The following CEMIP2 variants were observed in gnomAD, a reference collection of about 807,000 sequenced individuals.
CEMIP2 encodes cell surface hyaluronidase CEMIP2.
CEMIP2 carries 79 observed loss-of-function variants against 146.9 expected under a neutral mutation model. The ratio of observed to expected loss-of-function variants is 0.54; its 90% CI spans 0.45 to 0.65. The LOEUF (loss-of-function observed/expected upper bound fraction) is 0.65. Among genes scored for constraint, CEMIP2 ranks in the 30% least tolerant of loss-of-function variants. The pLI is 0.00. For synonymous variants in CEMIP2, 601 were observed against 606.3 expected (o/e 0.99, Z 0.13); for missense variants, 1,596 against 1,696.2 (o/e 0.94, Z 1.04).
chr9:71,755,346 TACACACAC>T (rs34581447), intron 1 of CEMIP2, among the ~76,000 whole-genome samples: 11,356 of 134,864 alleles, frequency 0.084, 783 homozygotes, highest in African/African-American at 0.19. Context: ...ACCCTGTCTC[TACACACAC>T]ACACACACAC....
At chr9:71,687,125 C>T (rs1007118514) in intron 22 of CEMIP2, 6 of 152,214 alleles carry the variant, frequency 3.9e-5, no homozygotes, top group African/African-American at 1.2e-4. Flanking sequence ...TTGATAAAAA[C>T]AAGCCCTTGT....
chr9:71,754,301 C>T (rs888907444), intron 1 of CEMIP2, among the ~76,000 whole-genome samples: 1 of 152,198 alleles, frequency 6.6e-6, no homozygotes, highest in African/African-American at 2.4e-5. Flanking sequence ...GCAATCTCAA[C>T]AATGGCTGTT....
chr9:71,768,358 T>G lies in CEMIP2; in HGVS notation c.-14A>C. ...GCGGGTGACCGAGTCGCTTCTTACC[T>G]TCCCCTACCCCGCTTAGCGTCCGTT... is the stretch of plus-strand genomic sequence containing the variant. On this transcript the variant is annotated splice_region_variant and 5_prime_UTR_variant, in exon 1 of 24. Coordinates refer to ENST00000377044, the MANE Select transcript of CEMIP2 (RefSeq NM_013390.3). 6.6e-6 allele frequency: 1 copy of G among 150,884 alleles called. No individual in the cohort carries two copies. Among genetic ancestry groups the G allele is most frequent in the South Asian group, 2.2e-4 (1 of 4,546 alleles). The allele number at this position is 150,884 out of a possible 1,614,324, so 9.3% of individuals were successfully genotyped here. A position where few individuals can be genotyped will look rare whatever the true frequency, so the allele number is the denominator to read the frequency against.
intron 18 of CEMIP2, among the ~76,000 whole-genome samples, chr9:71,701,256 A>G (rs1822553418): frequency 6.6e-6 from 1 of 151,926 alleles, no homozygotes; most frequent in Admixed American, 6.6e-5. Flanking sequence ...CAGGGGCACA[A>G]CACCATGCAC....
intron 12 of CEMIP2, among the ~76,000 whole-genome samples, chr9:71,721,786 C>T (rs1823239689): frequency 6.6e-6 from 1 of 152,298 alleles, no homozygotes; most frequent in Non-Finnish European, 1.5e-5. Flanking sequence ...CTTTAAGTCA[C>T]CATCTTTTCC....
chr9:71,705,873 C>A (rs1162708581), intron 17 of CEMIP2, among the ~76,000 whole-genome samples: 2 of 151,848 alleles, frequency 1.3e-5, no homozygotes, highest in African/African-American at 4.8e-5. Flanking sequence ...GCCTTAGTAA[C>A]CTTAACTCTC....
At chr9:71,723,136 G>GGAAAAAAAA (rs562543367) in intron 11 of CEMIP2, among the ~76,000 whole-genome samples, 21 of 104,188 alleles carry the variant, frequency 2.0e-4, no homozygotes, top group Non-Finnish European at 3.7e-4. Context: ...AACAGCCAAA[G>GGAAAAAAAA]AAAAAAAAAA....
chr9:71,696,774 A>G (rs1040102741), intron 20 of CEMIP2, among the ~76,000 whole-genome samples: 4 of 152,160 alleles, frequency 2.6e-5, no homozygotes, highest in Admixed American at 2.6e-4. Context: ...CATCTCAACA[A>G]CAACAACAAA....
rs372227350 is a variant in CEMIP2 at position 71,726,836 on chromosome 9, AG to A, written c.2050-1128del. ...GACAAGTTGACGGGATAAGACCTGG[AG>A]GGTCAGAAGAAAACTCCATACCATA... On this transcript the variant is annotated intron_variant, in intron 10 of 23. Transcript: ENST00000377044. 2.5e-3 allele frequency among the ~76,000 whole-genome samples: 374 copies of A among 152,304 alleles called. 1 individual carries two copies. The highest frequency in any genetic ancestry group is 7.9e-3 in the African/African-American group (330 of 41,572).
Position 71,685,269 on chromosome 9 carries a change from A to T in CEMIP2, c.4080T>A (p.Tyr1360Ter). ...GGACAGTGGTGGCTCTGGGACAACC[A>T]TATTCGTCCAGCTGCAAAGGTATGA... ...EQFIPLQLDEYGCPRATTVRR... is the reference protein window; with the variant it reads ...EQFIPLQLDE Residue 1360 changes from tyrosine (Y) to a stop codon, truncating the protein, a stop_gained, in exon 24 of 24, where the codon TAT (tyrosine) becomes TAA (stop). Transcript: ENST00000377044. LOFTEE classifies it high-confidence loss of function. 1 of 1,613,936 alleles carries T rather than the reference A, an allele frequency of 6.2e-7. No individual in the cohort carries two copies. The highest frequency in any genetic ancestry group is 8.5e-7 in the Non-Finnish European group (1 of 1,179,970).
chr9:71,690,263 A>T lies in CEMIP2; in HGVS notation c.3697-17T>A. ...GCCATTGACCTGAGAATGCAAAAAC[A>T]TCTTCTGCTGTCATCATCATTTTGA... On this transcript the variant is annotated splice_polypyrimidine_tract_variant and intron_variant, in intron 21 of 23. Coordinates refer to ENST00000377044, the MANE Select transcript of CEMIP2 (RefSeq NM_013390.3). The T allele has an allele frequency of 6.2e-7, 1 of 1,612,340 alleles. No homozygotes were observed. The highest frequency in any genetic ancestry group is 8.5e-7 in the Non-Finnish European group (1 of 1,178,808).
At position 71,690,261 on chromosome 9, in the gene CEMIP2, A is replaced by G; in HGVS notation, c.3697-15T>C. On this transcript the variant is annotated splice_polypyrimidine_tract_variant and intron_variant, in intron 21 of 23. Coordinates refer to ENST00000377044, the MANE Select transcript of CEMIP2 (RefSeq NM_013390.3). ...GTGCCATTGACCTGAGAATGCAAAA[A>G]CATCTTCTGCTGTCATCATCATTTT... 2 of 1,612,500 alleles carry G rather than the reference A, an allele frequency of 1.2e-6. No homozygotes were observed. The highest frequency in any genetic ancestry group is 1.7e-6 in the Non-Finnish European group (2 of 1,178,970).
At position 71,745,279 on chromosome 9, in the gene CEMIP2, G is replaced by T. The variant is rs1264630912; in HGVS notation, c.773C>A (p.Thr258Asn). ...NSSGLPFGSY[T>N]FEKDFSRGLN... ...GCCCCGGGAAAAGTCCTTTTCAAAG[G>T]TATAGGACCCAAAGGGCAAGCCTGA... The change falls in exon 4 of 24, where the codon ACC becomes AAC. Residue 258 changes from threonine (T) to asparagine (N), a missense_variant. Coordinates refer to ENST00000377044, the MANE Select transcript of CEMIP2 (RefSeq NM_013390.3). The T allele has an allele frequency of 4.3e-6, 7 of 1,613,920 alleles. No homozygotes were observed. Among genetic ancestry groups the T allele is most frequent in the Admixed American group, 1.7e-5 (1 of 59,972 alleles).
At chr9:71,703,567 G>A (rs1822638162) in intron 18 of CEMIP2, among the ~76,000 whole-genome samples, 1 of 152,182 alleles carries the variant, frequency 6.6e-6, no homozygotes, top group Non-Finnish European at 1.5e-5. Context: ...TGACGACTCA[G>A]GTGAACAAGC....
At chr9:71,756,504 T>TCACACACACACACACA (rs1480091892) in intron 1 of CEMIP2, among the ~76,000 whole-genome samples, 2 of 111,686 alleles carry the variant, frequency 1.8e-5, no homozygotes, top group African/African-American at 7.0e-5. Context: ...TCTCTCTCTC[T>TCACACACACACACACA]CTCACACACA....
At chr9:71,692,727 A>G (rs1028723064) in intron 21 of CEMIP2, among the ~76,000 whole-genome samples, 1 of 152,114 alleles carries the variant, frequency 6.6e-6, no homozygotes, top group African/African-American at 2.4e-5. Flanking sequence ...TGAGCAACAC[A>G]GTGGGACTCC....
chr9:71,721,815 C>G (rs528593737), intron 12 of CEMIP2, among the ~76,000 whole-genome samples: 1 of 152,284 alleles, frequency 6.6e-6, no homozygotes, highest in East Asian at 1.9e-4. Flanking sequence ...TTATTTTCAT[C>G]TGGGACATTT....
chr9:71,707,842 C>A (rs556667676), intron 17 of CEMIP2, among the ~76,000 whole-genome samples: 3 of 152,334 alleles, frequency 2.0e-5, no homozygotes, highest in Non-Finnish European at 4.4e-5. Context: ...TCCTCTAATT[C>A]TCGTCTCCAT....
rs1364678529 is a variant in CEMIP2, at chr9:71,683,595, G to T, written c.*1602C>A. The T allele has an allele frequency of 7.9e-5, 11 of 140,014 alleles. No individual in the cohort carries two copies. Among genetic ancestry groups the T allele is most frequent in the African/African-American group, 2.2e-4 (8 of 36,414 alleles). The allele number at this position is 140,014 out of a possible 1,614,324, so 8.7% of individuals were successfully genotyped here. On this transcript the variant is annotated 3_prime_UTR_variant, in exon 24 of 24. Transcript: ENST00000377044. ...CCATAATCCAATAATATATTTAATA[G>T]GTAAGATCTCATTCATCAATATACA... is the stretch of plus-strand genomic sequence containing the variant.
Sources: allele counts gnomAD v4.1 joint callset (sites outside exome capture counted in the v4.1 genomes callset), GRCh38; gene constraint gnomAD v4.1.1; transcripts MANE v1.5; gene names NCBI Gene and HGNC (gene_info 2026-07-23, HGNC 2026-07-21).